Variants in PACS1 observed in about 807,000 individuals in gnomAD.
PACS1 encodes phosphofurin acidic cluster sorting protein 1.
PACS1 carries 24 observed loss-of-function variants against 115.0 expected under a neutral mutation model. The ratio of observed to expected loss-of-function variants is 0.21; its 90% CI spans 0.15 to 0.29. PACS1 has a LOEUF of 0.29. Among genes scored for constraint, PACS1 ranks in the 10% least tolerant of loss-of-function variants. The pLI, the probability that PACS1 is intolerant of heterozygous loss-of-function variation, is 1.00. For synonymous variants in PACS1, 453 were observed against 504.5 expected (o/e 0.90, Z 1.37); for missense variants, 838 against 1,251.2 (o/e 0.67, Z 4.98).
intron 1 of PACS1, among the ~76,000 whole-genome samples, chr11:66,147,651 T>C (rs1271248974): frequency 6.6e-6 from 1 of 152,164 alleles, no homozygotes; most frequent in Non-Finnish European, 1.5e-5. Flanking sequence ...ATAATAACAA[T>C]GTATTATGGA....
intron 10 of PACS1, among the ~76,000 whole-genome samples, chr11:66,222,084 C>T (rs1047473428): frequency 1.3e-5 from 2 of 152,222 alleles, no homozygotes; most frequent in Admixed American, 1.3e-4. Context: ...CCACTGCTCT[C>T]CAGCCTAGGT....
chr11:66,111,154 A>G (rs1191275271), intron 1 of PACS1, among the ~76,000 whole-genome samples: 1 of 152,236 alleles, frequency 6.6e-6, no homozygotes, highest in Non-Finnish European at 1.5e-5. Context: ...AAACCTGTAC[A>G]GCACTGATTC....
intron 22 of PACS1, among the ~76,000 whole-genome samples, chr11:66,242,510 A>T (rs1157441658): frequency 6.6e-6 from 1 of 151,896 alleles, no homozygotes; most frequent in Non-Finnish European, 1.5e-5. Flanking sequence ...AACAGGGAGC[A>T]CTCCCCGGCA....
chr11:66,193,408 G>C, intron 1 of PACS1, 78 bp from the exon 2 acceptor site: 1 of 963,528 alleles, frequency 1.0e-6, no homozygotes, highest in Middle Eastern at 2.1e-4. Context: ...AGGTAAGGCA[G>C]ATTGCCTAAC....
chr11:66,163,200 A>G (rs1859530317), intron 1 of PACS1, among the ~76,000 whole-genome samples: 1 of 151,866 alleles, frequency 6.6e-6, no homozygotes, highest in Admixed American at 6.6e-5. Context: ...CAATACGGAA[A>G]TTAGTTGGGT....
intron 1 of PACS1, among the ~76,000 whole-genome samples, chr11:66,089,764 TA>T (rs1857626797): frequency 6.6e-6 from 1 of 151,984 alleles, no homozygotes; most frequent in Non-Finnish European, 1.5e-5. Flanking sequence ...TCCAGCACTT[TA>T]GGATGCCAAG....
chr11:66,134,392 A>C (rs1858789905), intron 1 of PACS1, among the ~76,000 whole-genome samples: 1 of 146,962 alleles, frequency 6.8e-6, no homozygotes, highest in Non-Finnish European at 1.5e-5. Flanking sequence ...CAGCCTCCCT[A>C]GTAGCTGGGA....
intron 1 of PACS1, among the ~76,000 whole-genome samples, chr11:66,165,933 C>T (rs1227714298): frequency 6.6e-6 from 1 of 152,106 alleles, no homozygotes; most frequent in Non-Finnish European, 1.5e-5. Flanking sequence ...CCTGCCTTTC[C>T]TGGGCCACGC....
intron 1 of PACS1, among the ~76,000 whole-genome samples, chr11:66,119,617 A>G (rs1157693673): frequency 1.3e-5 from 2 of 152,266 alleles, no homozygotes; most frequent in East Asian, 1.9e-4. Context: ...ATCTCCCACC[A>G]AAGGATAATT....
At chr11:66,090,737 A>G (rs1857646249) in intron 1 of PACS1, among the ~76,000 whole-genome samples, 1 of 152,204 alleles carries the variant, frequency 6.6e-6, no homozygotes, top group Non-Finnish European at 1.5e-5. Flanking sequence ...CTGAGGAGAA[A>G]GATAGAATCA....
intron 1 of PACS1, among the ~76,000 whole-genome samples, chr11:66,162,698 G>A (rs980111842): frequency 4.6e-5 from 7 of 152,220 alleles, no homozygotes; most frequent in African/African-American, 1.7e-4. Context: ...GTAATTTGTT[G>A]TGGCAGCTTT....
At chr11:66,145,947 G>A (rs1027576487) in intron 1 of PACS1, among the ~76,000 whole-genome samples, 1 of 152,152 alleles carries the variant, frequency 6.6e-6, no homozygotes, top group Non-Finnish European at 1.5e-5. Context: ...CACATCACAG[G>A]GGAGACAGAT....
chr11:66,137,097 TTAATG>T (rs1379331974), intron 1 of PACS1, among the ~76,000 whole-genome samples: 2 of 151,190 alleles, frequency 1.3e-5, no homozygotes, highest in Non-Finnish European at 2.9e-5. Context: ...AAGTTTTTCT[TTAATG>T]TAATAAAATG....
chr11:66,195,291 C>G (rs1854624482), intron 2 of PACS1, among the ~76,000 whole-genome samples: 1 of 152,166 alleles, frequency 6.6e-6, no homozygotes, highest in South Asian at 2.1e-4. Context: ...TTCTAATTCC[C>G]TGTTCATTTT....
Position 66,227,505 on chromosome 11 carries a change from TG to T in PACS1, c.1297del (p.Glu433AsnfsTer5). On this transcript the variant is annotated frameshift_variant and splice_region_variant, in exon 11 of 24. Coordinates refer to ENST00000320580, the MANE Select transcript of PACS1 (RefSeq NM_018026.4). LOFTEE classifies it high-confidence loss of function. ...GSLGKDTTSP[M>X]ELAALEKIKS... The stretch of plus-strand genomic sequence containing the variant: ...AACTAATTCTTATAATTTTTGCAGA[TG>T]GAATTGGCTGCTCTAGAAAAAATTA... 6.3e-7 allele frequency: 1 copy of T among 1,586,066 alleles called. No individual in the cohort carries two copies. The highest frequency in any genetic ancestry group is 8.6e-7 in the Non-Finnish European group (1 of 1,157,704).
chr11:66,243,291 C>T lies in PACS1; in HGVS notation c.*11C>T, dbSNP rs568224120. On this transcript the variant is annotated 3_prime_UTR_variant, in exon 24 of 24. Transcript: ENST00000320580. ...AGCAAGGCCACCTGAGGCCCTGTCTCCCAGCCACTTTCCCTCCTGGCACTG... is the reference window on the plus strand; with the variant it reads ...AGCAAGGCCACCTGAGGCCCTGTCTTCCAGCCACTTTCCCTCCTGGCACTG... The T allele has an allele frequency of 1.2e-4, 179 of 1,544,772 alleles. No individual in the cohort carries two copies. Among genetic ancestry groups the T allele is most frequent in the Admixed American group, 4.7e-4 (25 of 53,512 alleles).
chr11:66,076,843 C>T (rs1002315391), intron 1 of PACS1, among the ~76,000 whole-genome samples: 1 of 152,170 alleles, frequency 6.6e-6, no homozygotes, highest in Non-Finnish European at 1.5e-5. Context: ...GATTTGCCAA[C>T]GTTGGTCTTC....
intron 2 of PACS1, among the ~76,000 whole-genome samples, chr11:66,202,726 G>GGGGAAAAAAAAAAA (rs1554988658): frequency 1.8e-4 from 2 of 10,960 alleles, no homozygotes; most frequent in African/African-American, 4.8e-4. Flanking sequence ...TCATCTCTAG[G>GGGGAAAAAAAAAAA]AAAAAAAAAA....
intron 1 of PACS1, among the ~76,000 whole-genome samples, chr11:66,173,227 C>G (rs1859781170): frequency 2.0e-5 from 3 of 151,794 alleles, no homozygotes; most frequent in African/African-American, 7.3e-5. Context: ...GCCACCACAT[C>G]CAGCCATCTG....
Sources: allele counts gnomAD v4.1 joint callset (sites outside exome capture counted in the v4.1 genomes callset), GRCh38; gene constraint gnomAD v4.1.1; transcripts MANE v1.5; gene names NCBI Gene and HGNC (gene_info 2026-07-23, HGNC 2026-07-21).